The following DDX42 variants were observed in gnomAD, a reference collection of about 807,000 sequenced individuals.
DDX42 encodes ATP-dependent RNA helicase DDX42.
Under a neutral mutation model 101.5 loss-of-function variants are expected in DDX42, and 22 were observed. That is an observed-to-expected ratio of 0.22 (90% CI 0.15 to 0.31). DDX42 has a LOEUF of 0.31. Among genes scored for constraint, DDX42 ranks in the 10% least tolerant of loss-of-function variants. The pLI is 1.00. For synonymous variants in DDX42, 402 were observed against 401.2 expected, an observed-to-expected ratio of 1.00 and a Z score of -0.02; for missense variants, 849 against 1,199.9, an observed-to-expected ratio of 0.71 and a Z score of 4.32.
intron 6 of DDX42, among the ~76,000 whole-genome samples, chr17:63,801,818 G>C (rs1261225266): frequency 2.6e-5 from 4 of 152,106 alleles, no homozygotes; most frequent in Non-Finnish European, 5.9e-5. Context: ...CAGATGAGAG[G>C]CTGTTTCTTC....
In DDX42 at chr17:63,774,181, C is replaced by T. The variant is rs1046905047; in HGVS notation, c.-212C>T. 13 of 284,678 alleles carry T rather than the reference C, an allele frequency of 4.6e-5. 5 individuals carry two copies. 17.6% of individuals were successfully genotyped at this position (284,678 alleles called of 1,614,324 possible). ...CATGTCGCGTTTTTGTTCCCCTCCC[C>T]CCTTCAGCAACGGGCCGTGAGGCGG... On this transcript the variant is annotated 5_prime_UTR_variant, in exon 1 of 18. Coordinates refer to ENST00000389924, the MANE Select transcript of DDX42 (RefSeq NM_203499.3).
At chr17:63,801,074 C>G (rs2039762986) in intron 6 of DDX42, among the ~76,000 whole-genome samples, 2 of 150,414 alleles carry the variant, frequency 1.3e-5, no homozygotes, top group Admixed American at 1.3e-4. Flanking sequence ...TTCTCTCTCT[C>G]TCTGTCTCTC....
intron 6 of DDX42, among the ~76,000 whole-genome samples, chr17:63,800,873 A>G (rs2039754476): frequency 6.6e-6 from 1 of 152,020 alleles, no homozygotes; most frequent in Non-Finnish European, 1.5e-5. Context: ...TTCCAGAACC[A>G]ATATTTCTTT....
In DDX42 at chr17:63,794,950, A is replaced by G. The variant is rs868500765; in HGVS notation, c.372+2388A>G. On this transcript the variant is annotated intron_variant, in intron 3 of 17. Coordinates refer to ENST00000389924, the MANE Select transcript of DDX42 (RefSeq NM_203499.3). ...GACTCCATCTTAAAAAAAAAAAAAA[A>G]AAGAAAAATTGTCACTTAATTAGTT... 1.1e-4 allele frequency among the ~76,000 whole-genome samples: 17 copies of G among 152,070 alleles called. No homozygotes were observed. In the South Asian group the frequency reaches 1.5e-3, roughly 13 times the overall value.
chr17:63,809,867 G>A (rs2039888018), intron 11 of DDX42, among the ~76,000 whole-genome samples: 1 of 152,152 alleles, frequency 6.6e-6, no homozygotes, highest in South Asian at 2.1e-4. Context: ...AAATTTCAAA[G>A]TGCCTTTGTA....
At chr17:63,793,800 A>T (rs1018287834) in intron 3 of DDX42, among the ~76,000 whole-genome samples, 1 of 151,284 alleles carries the variant, frequency 6.6e-6, no homozygotes. Flanking sequence ...GATCATTAAG[A>T]ATGTTCATTA....
At chr17:63,789,571 GT>G (rs538515067) in intron 2 of DDX42, among the ~76,000 whole-genome samples, 59 of 45,684 alleles carry the variant, frequency 1.3e-3, no homozygotes, top group Non-Finnish European at 1.1e-3. Context: ...TTTTGTTTTT[GT>G]TTTTTTTTTT....
At position 63,785,193 on chromosome 17, in the gene DDX42, G is replaced by A. The variant is rs569163639; in HGVS notation, c.-16-1841G>A. ...ATTAAAAAGGGTTTTGGGGGGCCAG[G>A]TGCAGGGGCTCATGCCTGTAATCCC... On this transcript the variant is annotated intron_variant, in intron 1 of 17. Transcript: ENST00000389924. 5.3e-5 allele frequency among the ~76,000 whole-genome samples: 8 copies of A among 152,238 alleles called. No homozygotes were observed. The South Asian group carries it at 1.7e-3, about 32-fold the overall frequency.
chr17:63,777,166 C>T (rs1469742858), intron 1 of DDX42, among the ~76,000 whole-genome samples: 1 of 152,188 alleles, frequency 6.6e-6, no homozygotes, highest in Non-Finnish European at 1.5e-5. Flanking sequence ...ACCTTGGCCT[C>T]CCAAAGGGCG....
intron 1 of DDX42, among the ~76,000 whole-genome samples, chr17:63,786,721 A>T (rs1248016495): frequency 6.6e-6 from 1 of 152,260 alleles, no homozygotes; most frequent in East Asian, 1.9e-4. Flanking sequence ...TGTGTCGCCC[A>T]GGCTGGAGTG....
chr17:63,800,928 T>C (rs1399194801), intron 6 of DDX42, among the ~76,000 whole-genome samples: 4 of 141,462 alleles, frequency 2.8e-5, no homozygotes, highest in Non-Finnish European at 4.5e-5. Context: ...TTCCTTCCTT[T>C]CTTTCTTTTC....
chr17:63,812,894 G>A (rs968154528), intron 14 of DDX42, among the ~76,000 whole-genome samples: 9 of 152,230 alleles, frequency 5.9e-5, no homozygotes, highest in African/African-American at 2.2e-4. Context: ...GTGTGGTGGC[G>A]CGTGCCTATA....
intron 3 of DDX42, among the ~76,000 whole-genome samples, chr17:63,797,586 A>C (rs527513391): frequency 1.3e-5 from 2 of 152,166 alleles, no homozygotes; most frequent in South Asian, 2.1e-4. Context: ...TACCACCCCC[A>C]AAATTAAAAA....
intron 1 of DDX42, chr17:63,775,258 G>A (rs2039405518): frequency 6.6e-6 from 1 of 152,554 alleles, no homozygotes; most frequent in Admixed American, 6.5e-5. Context: ...TCCTGTACCT[G>A]GAAGAAGCAT....
chr17:63,817,633 G>T, intron 17 of DDX42, 61 bp from the exon 18 acceptor site: 1 of 1,525,270 alleles, frequency 6.6e-7, no homozygotes. Context: ...TTGCCAAGTT[G>T]TATATTCAAG....
In DDX42 at chr17:63,800,512, G is replaced by A. The variant is rs774716914; in HGVS notation, c.516G>A (p.Val172=). ...TGGCAGAAAACCCAACTGCTGGTGT[G>A]GTTCAGGAGGAAGAGGAAGACAATC... ...RYMAENPTAG[V]VQEEEEDNLE... is the part of the protein sequence containing the mutation. The change falls in exon 6 of 18, where the codon GTG becomes GTA. Residue 172 remains valine (V), a synonymous_variant. Coordinates refer to ENST00000389924, the MANE Select transcript of DDX42 (RefSeq NM_203499.3). The A allele has an allele frequency of 3.4e-5, 55 of 1,613,930 alleles. No individual in the cohort carries two copies. The South Asian group carries it at 5.8e-4, about 17-fold the overall frequency.
chr17:63,808,553 A>G (rs2039870495), intron 9 of DDX42, among the ~76,000 whole-genome samples: 1 of 152,156 alleles, frequency 6.6e-6, no homozygotes, highest in Non-Finnish European at 1.5e-5. Flanking sequence ...TTTCTGTAGG[A>G]TGAGTTCATT....
At chr17:63,811,911 G>GT (rs1460074489) in intron 13 of DDX42, 21 bp from the exon 14 acceptor site, 1 of 1,614,018 alleles carries the variant, frequency 6.2e-7, no homozygotes, top group Non-Finnish European at 8.5e-7. Context: ...ACAATCATCT[G>GT]TTTCATTTCT....
At chr17:63,817,028 G>A in intron 17 of DDX42, 62 bp downstream of exon 17, 1 of 1,456,392 alleles carries the variant, frequency 6.9e-7, no homozygotes, top group Non-Finnish European at 9.5e-7. Context: ...GTGACAGAGG[G>A]GCTTAGTTTT....
Sources: gnomAD v4.1 joint callset for allele counts (sites outside exome capture counted in the v4.1 genomes callset) on GRCh38, gnomAD v4.1.1 for gene constraint, MANE v1.5 for transcripts, NCBI Gene and HGNC (gene_info 2026-07-23, HGNC 2026-07-21) for gene names.